GNPTAB: variants seen among roughly 807,000 people sequenced by gnomAD.
GNPTAB encodes the protein N-acetylglucosamine-1-phosphate transferase subunits alpha and beta, also known as N-acetylglucosamine-1-phosphotransferase subunits alpha/beta.
A neutral mutation model predicts 136.6 loss-of-function variants in GNPTAB; 92 were observed. The observed-to-expected ratio is 0.67, with a 90% CI of 0.57 to 0.80. The LOEUF (loss-of-function observed/expected upper bound fraction) is 0.80, where lower values mean the gene tolerates loss of function less well. Among genes scored for constraint, GNPTAB ranks in the 30% least tolerant of loss-of-function variants. The pLI, the probability that GNPTAB is intolerant of heterozygous loss-of-function variation, is 0.00. For synonymous variants in GNPTAB, 512 were observed against 535.1 expected (o/e 0.96, Z 0.60); for missense variants, 1,343 against 1,501.8 (o/e 0.89, Z 1.75).
intron 18 of GNPTAB, among the ~76,000 whole-genome samples, chr12:101,753,756 A>G (rs898660868): frequency 1.3e-5 from 2 of 152,218 alleles, no homozygotes; most frequent in Non-Finnish European, 2.9e-5. Context: ...CCTTTTAGCT[A>G]TGGGAGTAAA....
chr12:101,772,289 G>T (rs1953188249), intron 7 of GNPTAB, among the ~76,000 whole-genome samples: 1 of 152,220 alleles, frequency 6.6e-6, no homozygotes, highest in South Asian at 2.1e-4. Flanking sequence ...AGAGCTTACG[G>T]TCTTCTTTCT....
At chr12:101,747,284 G>A (rs752710364) in intron 20 of GNPTAB, 43 bp from the exon 21 acceptor site, 4 of 1,148,686 alleles carry the variant, frequency 3.5e-6, no homozygotes, top group Admixed American at 3.4e-5. Flanking sequence ...TTCTCACGTT[G>A]ATGAAAGAAT....
Position 101,790,058 on chromosome 12 carries a change from C to T in GNPTAB, c.204-1G>A, listed in dbSNP as rs748389002. The T allele has an allele frequency of 1.9e-6, 3 of 1,614,128 alleles. No individual in the cohort carries two copies. Among genetic ancestry groups the T allele is most frequent in the Non-Finnish European group, 2.5e-6 (3 of 1,179,996 alleles). On this transcript the variant is annotated splice_acceptor_variant, in intron 2 of 20. Coordinates refer to ENST00000299314, the MANE Select transcript of GNPTAB (RefSeq NM_024312.5). LOFTEE classifies it high-confidence loss of function. ...GTCAATCGGCATGGGCAGACAAAGC[C>T]TAGGGCAAACCAACAAATCCTCCAG...
At chr12:101,817,635 T>C (rs1472187341) in intron 1 of GNPTAB, among the ~76,000 whole-genome samples, 1 of 152,144 alleles carries the variant, frequency 6.6e-6, no homozygotes, top group Non-Finnish European at 1.5e-5. Context: ...ATAACTATTA[T>C]ATAGCCATAA....
intron 19 of GNPTAB, among the ~76,000 whole-genome samples, chr12:101,752,484 G>C (rs954132352): frequency 6.6e-6 from 1 of 152,144 alleles, no homozygotes; most frequent in Non-Finnish European, 1.5e-5. Flanking sequence ...AAAGTTTCCT[G>C]GTTGGTTATA....
chr12:101,747,450 T>G (rs908891767), intron 20 of GNPTAB, among the ~76,000 whole-genome samples: 1 of 152,224 alleles, frequency 6.6e-6, no homozygotes, highest in Non-Finnish European at 1.5e-5. Context: ...TGCCTAGATA[T>G]GTGCCCACAA....
In GNPTAB at chr12:101,775,593, G is replaced by A. The variant is rs763722854; in HGVS notation, c.772-4436C>T. On this transcript the variant is annotated intron_variant, in intron 7 of 20. Coordinates refer to ENST00000299314, the MANE Select transcript of GNPTAB (RefSeq NM_024312.5). ...TTGGCCAGGATGGTCTCAATCTCCT[G>A]ACCTCATGATCTGCCCGCCTCGGCC... Among the ~76,000 whole-genome samples the A allele has an allele frequency of 6.4e-4, 98 of 152,042 alleles. 1 individual carries two copies. Among genetic ancestry groups the A allele is most frequent in the Non-Finnish European group, 1.1e-3 (74 of 67,994 alleles).
intron 1 of GNPTAB, among the ~76,000 whole-genome samples, chr12:101,818,506 T>G (rs996676030): frequency 1.3e-5 from 2 of 151,718 alleles, no homozygotes; most frequent in Admixed American, 1.3e-4. Context: ...GCCTCCCAAG[T>G]AGCTGGGATT....
chr12:101,785,383 T>C (rs1053680688), intron 5 of GNPTAB, among the ~76,000 whole-genome samples: 1 of 152,134 alleles, frequency 6.6e-6, no homozygotes, highest in Non-Finnish European at 1.5e-5. Flanking sequence ...TTTTTTTGGT[T>C]GCTGTTGTTG....
chr12:101,814,158 G>A (rs1455640877), intron 1 of GNPTAB, among the ~76,000 whole-genome samples: 2 of 151,918 alleles, frequency 1.3e-5, no homozygotes, highest in Non-Finnish European at 2.9e-5. Flanking sequence ...AATTAGCCAG[G>A]TATGGTGGCA....
chr12:101,771,509 G>C (rs888284173), intron 7 of GNPTAB, among the ~76,000 whole-genome samples: 2 of 152,160 alleles, frequency 1.3e-5, no homozygotes, highest in African/African-American at 4.8e-5. Context: ...CTCCCAAAGT[G>C]CTGGGATTAC....
intron 2 of GNPTAB, 133 bp from the exon 3 acceptor site, chr12:101,790,190 T>C (rs972794601): frequency 8.3e-7 from 1 of 1,199,690 alleles, no homozygotes; most frequent in South Asian, 1.3e-5. Flanking sequence ...TGACATATTA[T>C]CACAGAACTG....
In GNPTAB at chr12:101,764,608, AC is replaced by A. The variant is rs1953057183; in HGVS notation, c.2308del (p.Val770PhefsTer10). 1 of 1,613,806 alleles carries A rather than the reference AC, an allele frequency of 6.2e-7. No homozygotes were observed. Among genetic ancestry groups the A allele is most frequent in the Non-Finnish European group, 8.5e-7 (1 of 1,179,936 alleles). ...DSLVAPQEKQVHKSILPNSLG... is the reference protein window; with the variant it reads ...DSLVAPQEKQXHKSILPNSLG... ...GCTGTTTGGCAAGATGCTTTTATGA[AC>A]CTGTTTTTCCTGTGGAGCCACCAAA... On this transcript the variant is annotated frameshift_variant, in exon 13 of 21. Transcript: ENST00000299314. LOFTEE classifies it high-confidence loss of function.
rs1953145461 is a variant in GNPTAB, at chr12:101,769,923, G to C, written c.1284+98C>G. The C allele has an allele frequency of 6.7e-6, 8 of 1,199,774 alleles. No individual in the cohort carries two copies. In the South Asian group the frequency reaches 9.7e-5, roughly 15 times the overall value. The allele number at this position is 1,199,774 out of a possible 1,614,324, so 74.3% of individuals were successfully genotyped here. A position where few individuals can be genotyped will look rare whatever the true frequency, so the allele number is the denominator to read the frequency against. On this transcript the variant is annotated intron_variant, in intron 10 of 20. Transcript: ENST00000299314. ...TGGGATTACAGGTGTGAGCCACCAT[G>C]TCTGGCCTGATATTTGACTACAGTA...
chr12:101,810,650 C>T (rs1432434298), intron 1 of GNPTAB: 1 of 151,608 alleles, frequency 6.6e-6, no homozygotes, highest in Non-Finnish European at 1.5e-5. Context: ...GCCCCTGCTC[C>T]CACAGAGCCT....
chr12:101,770,905 A>G, intron 8 of GNPTAB, 91 bp downstream of exon 8: 5 of 1,233,224 alleles, frequency 4.1e-6, no homozygotes, highest in Non-Finnish European at 3.6e-6. Flanking sequence ...CCTCTCTGTA[A>G]GTCCCCTTCC....
intron 1 of GNPTAB, among the ~76,000 whole-genome samples, chr12:101,822,177 G>C (rs1382984588): frequency 1.3e-5 from 2 of 152,216 alleles, no homozygotes; most frequent in African/African-American, 2.4e-5. Flanking sequence ...ACTTTGGGAG[G>C]CCGAGGCGGG....
At chr12:101,796,569 C>A in intron 2 of GNPTAB, 108 bp downstream of exon 2, 1 of 775,358 alleles carries the variant, frequency 1.3e-6, no homozygotes. Context: ...TAAATTAAAC[C>A]ATATCTATAA....
intron 2 of GNPTAB, among the ~76,000 whole-genome samples, chr12:101,794,503 A>T (rs1869171965): frequency 6.6e-6 from 1 of 151,012 alleles, no homozygotes; most frequent in African/African-American, 2.4e-5. Context: ...AATAAATTTT[A>T]AAAATAAAAA....
Sources: allele counts gnomAD v4.1 joint callset (sites outside exome capture counted in the v4.1 genomes callset), GRCh38; gene constraint gnomAD v4.1.1; transcripts MANE v1.5; gene names NCBI Gene and HGNC (gene_info 2026-07-23, HGNC 2026-07-21).